Variants in B4GALNT4 observed in about 807,000 individuals in gnomAD.
B4GALNT4 encodes N-acetyl-beta-glucosaminyl-glycoprotein 4-beta-N-acetylgalactosaminyltransferase 1.
B4GALNT4 carries 77 observed loss-of-function variants against 110.0 expected under a neutral mutation model. The ratio of observed to expected loss-of-function variants is 0.70; its 90% CI spans 0.58 to 0.85. The LOEUF is 0.85. B4GALNT4 is among the 40% of genes least tolerant of loss of function. The pLI is 0.00. For missense variants in B4GALNT4, 1,575 were observed against 1,506.0 expected, an observed-to-expected ratio of 1.05 and a Z score of -0.76; for synonymous variants, 785 against 655.5, an observed-to-expected ratio of 1.20 and a Z score of -3.02.
Position 381,723 on chromosome 11 carries a change from C to A in B4GALNT4, c.3051C>A (p.His1017Gln). ...GGCTCCGACTGCGGAATTTCTATCA[C>A]CACTACCACTCCAAGAGGGGCATGT... is the stretch of plus-strand genomic sequence containing the variant. The part of the protein sequence containing the change: ...VERLRLRNFY[H>Q]HYHSKRGMWS... The change falls in exon 20 of 20, where the codon CAC (histidine) becomes CAA (glutamine). Residue 1017 changes from histidine to glutamine, a missense_variant. Coordinates refer to ENST00000329962, the MANE Select transcript of B4GALNT4 (RefSeq NM_178537.5). 1 of 1,593,092 alleles carries A rather than the reference C, an allele frequency of 6.3e-7. No individual in the cohort carries two copies. Among genetic ancestry groups the A allele is most frequent in the Non-Finnish European group, 8.5e-7 (1 of 1,171,778 alleles).
chr11:376,397 G>T, intron 13 of B4GALNT4, 24 bp from the exon 14 acceptor site: 2 of 1,602,730 alleles, frequency 1.2e-6, no homozygotes, highest in Non-Finnish European at 1.7e-6. Context: ...TGCGCAGGGA[G>T]CTTCTAACCC....
At position 381,888 on chromosome 11, in the gene B4GALNT4, C is replaced by A; in HGVS notation, c.*96C>A. ...TCCCGAGAGACCCGGCAGGGCTGGT[C>A]AGAGGGGCACAGCCACCGCCTGTGC... On this transcript the variant is annotated 3_prime_UTR_variant, in exon 20 of 20. Coordinates refer to ENST00000329962, the MANE Select transcript of B4GALNT4 (RefSeq NM_178537.5). 1 of 1,355,478 alleles carries A rather than the reference C, an allele frequency of 7.4e-7. No individual in the cohort carries two copies. The highest frequency in any genetic ancestry group is 1.6e-5 in the South Asian group (1 of 61,046). The allele number at this position is 1,355,478 out of a possible 1,614,324, so 84.0% of individuals were successfully genotyped here.
In B4GALNT4 at chr11:373,803, G is replaced by A. The variant is rs772279502; in HGVS notation, c.758G>A (p.Arg253His). 38 of 1,612,170 alleles carry A rather than the reference G, an allele frequency of 2.4e-5. No homozygotes were observed. In the South Asian group the frequency reaches 2.9e-4, roughly 12 times the overall value. ...YFELLHKQDD[R>H]GSDHVEVGWR... Reference sequence around the variant, plus strand: ...GAGTTGCTGCACAAGCAGGACGACCGCGGCTCGGACCACGTGGAAGTGGGC... The same window carrying A: ...GAGTTGCTGCACAAGCAGGACGACCACGGCTCGGACCACGTGGAAGTGGGC... The change falls in exon 8 of 20, where the codon CGC (arginine) becomes CAC (histidine). Residue 253 changes from arginine to histidine, a missense_variant. Transcript: ENST00000329962.
In B4GALNT4 at chr11:379,456, G is replaced by T; in HGVS notation, c.2243G>T (p.Arg748Leu). 6.4e-7 allele frequency: 1 copy of T among 1,550,846 alleles called. No homozygotes were observed. The highest frequency in any genetic ancestry group is 2.1e-4 in the Middle Eastern group (1 of 4,736). ...CTGCGCATCGTGAACGTGGAGAAGC[G>T]CCGGGACTCGGCGCGAGGGAGTCGC... ...ALLRIVNVEKRRDSARGSRFL... is the reference protein window; with the variant it reads ...ALLRIVNVEKLRDSARGSRFL... The change falls in exon 15 of 20, where the codon CGC becomes CTC. Residue 748 changes from arginine to leucine, a missense_variant. By Grantham distance (102) the Arg-to-Leu change is moderately radical. Transcript: ENST00000329962.
chr11:375,742 G>C lies in B4GALNT4; in HGVS notation c.954G>C (p.Leu318=). The change falls in exon 10 of 20, where the codon CTG becomes CTC. Residue 318 remains leucine (L), a synonymous_variant. Coordinates refer to ENST00000329962, the MANE Select transcript of B4GALNT4 (RefSeq NM_178537.5). ...PPQEETSADM[L]RPDPRDTFFL... is the part of the protein sequence containing the mutation. Reference sequence around the variant, plus strand: ...AGGAGGAGACCAGCGCAGACATGCTGCGGCCAGATCCCAGGGATACCTTTT... The same window carrying C: ...AGGAGGAGACCAGCGCAGACATGCTCCGGCCAGATCCCAGGGATACCTTTT... The C allele has an allele frequency of 1.3e-6, 2 of 1,596,582 alleles. No individual in the cohort carries two copies. The highest frequency in any genetic ancestry group is 1.7e-6 in the Non-Finnish European group (2 of 1,175,290).
chr11:377,718 G>A (rs532755213), intron 14 of B4GALNT4, among the ~76,000 whole-genome samples: 12 of 152,354 alleles, frequency 7.9e-5, no homozygotes, highest in African/African-American at 2.9e-4. Flanking sequence ...AGACCCTTAG[G>A]GCAAAGCTCA....
chr11:377,828 T>C (rs1033219684), intron 14 of B4GALNT4, among the ~76,000 whole-genome samples: 31 of 152,320 alleles, frequency 2.0e-4, no homozygotes, highest in African/African-American at 6.7e-4. Flanking sequence ...TTCTGCCCCA[T>C]TGGCCCCTCT....
rs779797509 is a variant in B4GALNT4, at chr11:377,345, C to G, written c.2204+18C>G. ...CACGGCGGGTATGGGGGCGGCCGAA[C>G]GCGCGCCAGGGCGGTTTTGGAGGCG... is the stretch of plus-strand genomic sequence containing the variant. On this transcript the variant is annotated intron_variant, in intron 14 of 19. Transcript: ENST00000329962. 1.3e-6 allele frequency: 2 copies of G among 1,487,790 alleles called. No individual in the cohort carries two copies. Among genetic ancestry groups the G allele is most frequent in the African/African-American group, 2.9e-5 (2 of 69,544 alleles). 92.2% of individuals were successfully genotyped at this position (1,487,790 alleles called of 1,614,324 possible).
chr11:370,445 C>T (rs898539112), intron 1 of B4GALNT4, among the ~76,000 whole-genome samples: 4 of 151,854 alleles, frequency 2.6e-5, no homozygotes, highest in African/African-American at 9.7e-5. Context: ...GGACGCTTCC[C>T]GGCGGGGGCG....
At chr11:376,396 A>G (rs770767554) in intron 13 of B4GALNT4, 25 bp from the exon 14 acceptor site, 1 of 1,602,522 alleles carries the variant, frequency 6.2e-7, no homozygotes, top group African/African-American at 1.3e-5. Context: ...CTGCGCAGGG[A>G]GCTTCTAACC....
At position 375,793 on chromosome 11, in the gene B4GALNT4, G is replaced by A. The variant is rs1449403160; in HGVS notation, c.985+20G>A. ...TCCTCAGTGAGAGGGGGCCCGCGCG[G>A]GGGCGAGGGCGGGGGTGCCTGCCCC... On this transcript the variant is annotated intron_variant, in intron 10 of 19. Coordinates refer to ENST00000329962, the MANE Select transcript of B4GALNT4 (RefSeq NM_178537.5). The A allele has an allele frequency of 1.2e-6, 2 of 1,601,436 alleles. No homozygotes were observed. The highest frequency in any genetic ancestry group is 1.7e-6 in the Non-Finnish European group (2 of 1,177,130).
chr11:369,947 C>CGGGCGAGGTACGGCGCGGG lies in B4GALNT4; in HGVS notation c.150_151+17dup. The CGGGCGAGGTACGGCGCGGG allele has an allele frequency of 1.2e-6, 1 of 868,430 alleles. No homozygotes were observed. Among genetic ancestry groups the CGGGCGAGGTACGGCGCGGG allele is most frequent in the Non-Finnish European group, 1.3e-6 (1 of 741,936 alleles). The allele number at this position is 868,430 out of a possible 1,614,324, so 53.8% of individuals were successfully genotyped here. ...GCGCGCTGCGCCAGCGCCTGGGCTA[C>CGGGCGAGGTACGGCGCGGG]GGGCGAGGTACGGCGCGGGGGGCGC... On this transcript the variant is annotated frameshift_variant, in exon 1 of 20. Transcript: ENST00000329962. LOFTEE classifies it high-confidence loss of function.
chr11:381,783 G>T lies in B4GALNT4; in HGVS notation c.3111G>T (p.Gly1037=), dbSNP rs560825370. 7 of 1,579,872 alleles carry T rather than the reference G, an allele frequency of 4.4e-6. No homozygotes were observed. In the East Asian group the frequency reaches 1.4e-4, roughly 32 times the overall value. The change falls in exon 20 of 20, where the codon GGG becomes GGT. Residue 1037 remains glycine (G), a synonymous_variant. Coordinates refer to ENST00000329962, the MANE Select transcript of B4GALNT4 (RefSeq NM_178537.5). ...SVRSRKGSRT[G]AS Reference sequence around the variant, plus strand: ...GCAGCAGGAAGGGCTCTCGCACGGGGGCGTCTTGAGGACGGGCAGCCCCTC... The same window carrying T: ...GCAGCAGGAAGGGCTCTCGCACGGGTGCGTCTTGAGGACGGGCAGCCCCTC...
chr11:377,777 C>A (rs1846789656), intron 14 of B4GALNT4, among the ~76,000 whole-genome samples: 1 of 152,234 alleles, frequency 6.6e-6, no homozygotes, highest in Non-Finnish European at 1.5e-5. Context: ...CCTGGGCGTT[C>A]CCAGACTGTC....
intron 14 of B4GALNT4, 28 bp from the exon 15 acceptor site, chr11:379,390 A>G (rs1485892789): frequency 6.8e-7 from 1 of 1,462,538 alleles, no homozygotes; most frequent in South Asian, 1.3e-5. Context: ...TGGAAGCCCC[A>G]GTACCGGCTG....
In B4GALNT4 at chr11:380,024, C is replaced by G. The variant is rs1427713736; in HGVS notation, c.2642+5C>G. The G allele has an allele frequency of 1.9e-6, 3 of 1,611,124 alleles. No individual in the cohort carries two copies. Among genetic ancestry groups the G allele is most frequent in the Admixed American group, 1.7e-5 (1 of 59,742 alleles). ...GCGCGCCGCGCGCCTGCCCCGGTAA[C>G]GACCCCTACTTCCACCTGGGCGGAC... On this transcript the variant is annotated splice_donor_5th_base_variant and intron_variant, in intron 16 of 19. Transcript: ENST00000329962.
chr11:375,392 G>A lies in B4GALNT4; in HGVS notation c.784-69G>A, dbSNP rs1279832394. On this transcript the variant is annotated intron_variant, in intron 8 of 19. Coordinates refer to ENST00000329962, the MANE Select transcript of B4GALNT4 (RefSeq NM_178537.5). Reference sequence around the variant, plus strand: ...CTATTAGTCCCCCGGCCCTGAGCCAGGGTAGACCCTTTCTTCCCTGGACCC... The same window carrying A: ...CTATTAGTCCCCCGGCCCTGAGCCAAGGTAGACCCTTTCTTCCCTGGACCC... 8 of 1,538,630 alleles carry A rather than the reference G, an allele frequency of 5.2e-6. No homozygotes were observed. In the Admixed American group the frequency reaches 8.4e-5, roughly 16 times the overall value.
chr11:373,787 C>G lies in B4GALNT4; in HGVS notation c.742C>G (p.His248Asp). 6.2e-7 allele frequency: 1 copy of G among 1,612,346 alleles called. No homozygotes were observed. The highest frequency in any genetic ancestry group is 8.5e-7 in the Non-Finnish European group (1 of 1,179,866). The change falls in exon 8 of 20, where the codon CAC (histidine) becomes GAC (aspartate). Residue 248 changes from histidine (H) to aspartate (D), a missense_variant. By Grantham distance (81) the His-to-Asp change is moderately conservative. Transcript: ENST00000329962. ...ASRRYYFELLHKQDDRGSDHV... is the reference protein window; with the variant it reads ...ASRRYYFELLDKQDDRGSDHV... ...CCGGAGGTACTACTTTGAGTTGCTGCACAAGCAGGACGACCGCGGCTCGGA... is the reference window on the plus strand; with the variant it reads ...CCGGAGGTACTACTTTGAGTTGCTGGACAAGCAGGACGACCGCGGCTCGGA...
At position 381,748 on chromosome 11, in the gene B4GALNT4, T is replaced by C. The variant is rs1273893141; in HGVS notation, c.3076T>C (p.Trp1026Arg). 11 of 1,588,904 alleles carry C rather than the reference T, an allele frequency of 6.9e-6. No individual in the cohort carries two copies. Among genetic ancestry groups the C allele is most frequent in the African/African-American group, 1.4e-5 (1 of 72,760 alleles). The change falls in exon 20 of 20, where the codon TGG becomes CGG. Residue 1026 changes from tryptophan (W) to arginine (R), a missense_variant. By Grantham distance (101) the Trp-to-Arg change is moderately radical (BLOSUM62 -3). Coordinates refer to ENST00000329962, the MANE Select transcript of B4GALNT4 (RefSeq NM_178537.5). Reference sequence around the variant, plus strand: ...CCACTACCACTCCAAGAGGGGCATGTGGAGCGTCCGCAGCAGGAAGGGCTC... The same window carrying C: ...CCACTACCACTCCAAGAGGGGCATGCGGAGCGTCCGCAGCAGGAAGGGCTC... ...YHHYHSKRGM[W>R]SVRSRKGSRT... is the part of the protein sequence containing the mutation.
Sources: gnomAD v4.1 joint callset for allele counts (sites outside exome capture counted in the v4.1 genomes callset) on GRCh38, gnomAD v4.1.1 for gene constraint, MANE v1.5 for transcripts, NCBI Gene and HGNC (gene_info 2026-07-23, HGNC 2026-07-21) for gene names.